BZW2: variants seen among roughly 807,000 people sequenced by gnomAD.
The protein encoded by BZW2 is eIF5-mimic protein 1.
BZW2 carries 23 observed loss-of-function variants against 53.2 expected under a neutral mutation model. The ratio of observed to expected loss-of-function variants is 0.43; its 90% confidence interval spans 0.31 to 0.61. The LOEUF (loss-of-function observed/expected upper bound fraction) is 0.61, where lower values mean the gene tolerates loss of function less well. Ranked by LOEUF, BZW2 falls within the 20% of genes least tolerant of loss-of-function variation. The probability of loss-of-function intolerance (pLI) is 0.09; values close to 1 mark genes in which losing one functional copy is unlikely to be tolerated. For synonymous variants in BZW2, 227 were observed against 186.4 expected (o/e 1.22, Z -1.77); for missense variants, 409 against 503.1 (o/e 0.81, Z 1.79).
rs565060244 is a variant in BZW2 at position 16,694,382 on chromosome 7, G to A, written c.652-452G>A. On this transcript the variant is annotated intron_variant, in intron 7 of 11. Transcript: ENST00000258761. ...GGCTGCATCTGGTGAGGGCCTTCTTGCTGGTGGGGACTCTGCAGTGTCCCA... is the reference window on the plus strand; with the variant it reads ...GGCTGCATCTGGTGAGGGCCTTCTTACTGGTGGGGACTCTGCAGTGTCCCA... Among the ~76,000 whole-genome samples the A allele has an allele frequency of 3.9e-5, 6 of 152,276 alleles. No homozygotes were observed. In the South Asian group the frequency reaches 1.2e-3, roughly 32 times the overall value.
At chr7:16,666,427 G>A (rs909755375) in intron 2 of BZW2, among the ~76,000 whole-genome samples, 1 of 83,518 alleles carries the variant, frequency 1.2e-5, no homozygotes, top group Non-Finnish European at 2.4e-5. Flanking sequence ...ATTTAGAGAC[G>A]GAGTCTTGCT....
chr7:16,662,032 G>C (rs991557809), intron 1 of BZW2: 1 of 152,090 alleles, frequency 6.6e-6, no homozygotes, highest in Non-Finnish European at 1.5e-5. Flanking sequence ...AGGTTGAAGC[G>C]AGCAGTTTCT....
chr7:16,660,551 T>C (rs1782227994), intron 1 of BZW2, among the ~76,000 whole-genome samples: 1 of 152,120 alleles, frequency 6.6e-6, no homozygotes, highest in South Asian at 2.1e-4. Flanking sequence ...TCGAGCTACT[T>C]TATTTGAAAA....
intron 3 of BZW2, among the ~76,000 whole-genome samples, chr7:16,677,463 CCTG>C (rs1449551856): frequency 6.6e-6 from 1 of 152,180 alleles, no homozygotes; most frequent in Non-Finnish European, 1.5e-5. Context: ...CTAACTTCTT[CCTG>C]CTGAATTGAG....
intron 7 of BZW2, among the ~76,000 whole-genome samples, chr7:16,691,486 A>G (rs1365643701): frequency 2.0e-5 from 3 of 152,226 alleles, no homozygotes; most frequent in Admixed American, 2.0e-4. Flanking sequence ...ATTCGGGCAC[A>G]GGCTGAGGGA....
At chr7:16,679,766 T>A (rs1782880358) in intron 3 of BZW2, among the ~76,000 whole-genome samples, 1 of 152,246 alleles carries the variant, frequency 6.6e-6, no homozygotes, top group African/African-American at 2.4e-5. Context: ...GCACAGTAGC[T>A]GGTATAAGTA....
At chr7:16,663,749 T>C (rs1583707593) in intron 1 of BZW2, among the ~76,000 whole-genome samples, 1 of 152,230 alleles carries the variant, frequency 6.6e-6, no homozygotes, top group African/African-American at 2.4e-5. Context: ...GCTTGAATAA[T>C]GCATGTTATA....
chr7:16,692,841 A>G (rs1783356338), intron 7 of BZW2, among the ~76,000 whole-genome samples: 1 of 152,210 alleles, frequency 6.6e-6, no homozygotes, highest in Non-Finnish European at 1.5e-5. Context: ...AGTGGTGGAA[A>G]GCCCTCTGTG....
intron 2 of BZW2, among the ~76,000 whole-genome samples, chr7:16,672,569 T>A (rs1427625898): frequency 1.3e-5 from 2 of 152,176 alleles, no homozygotes; most frequent in East Asian, 3.8e-4. Context: ...TCTTTTGAAG[T>A]TTTGGGTTCA....
chr7:16,705,494 C>G (rs571768808), intron 11 of BZW2, among the ~76,000 whole-genome samples: 29 of 151,900 alleles, frequency 1.9e-4, no homozygotes, highest in Non-Finnish European at 2.4e-4. Flanking sequence ...GACCATCTTG[C>G]CTAACACAGT....
At chr7:16,660,443 C>T (rs1432259636) in intron 1 of BZW2, among the ~76,000 whole-genome samples, 1 of 148,128 alleles carries the variant, frequency 6.8e-6, no homozygotes, top group South Asian at 2.2e-4. Context: ...AAGTCTTAAA[C>T]AGTATTGACT....
chr7:16,677,051 CTTTTT>C (rs10660587), intron 3 of BZW2, among the ~76,000 whole-genome samples: 1 of 130,072 alleles, frequency 7.7e-6, no homozygotes, highest in African/African-American at 2.8e-5. Flanking sequence ...GCCCAGATTT[CTTTTT>C]TTTTTTTTTT....
At chr7:16,660,344 G>A (rs1782222036) in intron 1 of BZW2, among the ~76,000 whole-genome samples, 2 of 149,936 alleles carry the variant, frequency 1.3e-5, no homozygotes, top group African/African-American at 4.9e-5. Context: ...GGGCTGCAGT[G>A]AGCAGATATC....
At chr7:16,672,341 T>TTTTCTAGGTC (rs1286213152) in intron 2 of BZW2, among the ~76,000 whole-genome samples, 1 of 152,210 alleles carries the variant, frequency 6.6e-6, no homozygotes, top group Non-Finnish European at 1.5e-5. Flanking sequence ...TTTGCTACTA[T>TTTTCTAGGTC]TTTCTAGGTC....
Position 16,682,722 on chromosome 7 carries a change from T to C in BZW2, c.340-58T>C. The C allele has an allele frequency of 2.7e-6, 3 of 1,119,708 alleles. No homozygotes were observed. In the East Asian group the frequency reaches 7.5e-5, roughly 28 times the overall value. 69.4% of individuals were successfully genotyped at this position (1,119,708 alleles called of 1,614,324 possible). A position where few individuals can be genotyped will look rare whatever the true frequency, so the allele number is the denominator to read the frequency against. ...ATGGTGTCATTATAGTGAGTTTCTA[T>C]TACCTACTTCTGTGTCTTTTTGGTT... is the stretch of plus-strand genomic sequence containing the variant. On this transcript the variant is annotated intron_variant, in intron 4 of 11. Transcript: ENST00000258761.
intron 1 of BZW2, among the ~76,000 whole-genome samples, chr7:16,647,894 T>A (rs1781906584): frequency 6.6e-6 from 1 of 152,208 alleles, no homozygotes. Flanking sequence ...CCATGGTTAC[T>A]TGAAGGTCAC....
intron 1 of BZW2, among the ~76,000 whole-genome samples, chr7:16,647,011 G>A (rs979534561): frequency 6.6e-6 from 1 of 152,094 alleles, no homozygotes; most frequent in Admixed American, 6.5e-5. Context: ...TGGTGTTGCT[G>A]CCTATATATA....
chr7:16,652,571 C>T (rs911388332), intron 1 of BZW2, among the ~76,000 whole-genome samples: 6 of 152,148 alleles, frequency 3.9e-5, no homozygotes, highest in Admixed American at 2.0e-4. Flanking sequence ...GTCTGGAGTG[C>T]GATGGTGTGA....
intron 2 of BZW2, among the ~76,000 whole-genome samples, chr7:16,667,293 C>CAA (rs574426507): frequency 3.2e-5 from 4 of 124,082 alleles, no homozygotes; most frequent in African/African-American, 1.2e-4. Context: ...AAAAAAAAAA[C>CAA]AAAAAAAAAA....
Sources: allele counts gnomAD v4.1 joint callset (sites outside exome capture counted in the v4.1 genomes callset), GRCh38; gene constraint gnomAD v4.1.1; transcripts MANE v1.5; gene names NCBI Gene and HGNC (gene_info 2026-07-23, HGNC 2026-07-21).